SLMAP: variants seen among roughly 807,000 people sequenced by gnomAD.
SLMAP encodes sarcolemmal membrane-associated protein.
In SLMAP, 44 loss-of-function variants were observed where a neutral mutation model predicts 128.8. That is an observed-to-expected ratio of 0.34 (90% CI 0.27 to 0.44). SLMAP has a LOEUF of 0.44. Among genes scored for constraint, SLMAP ranks in the 20% least tolerant of loss-of-function variants. SLMAP has a pLI of 1.00. For missense variants in SLMAP, 787 were observed against 985.3 expected, an observed-to-expected ratio of 0.80 and a Z score of 2.69; for synonymous variants, 327 against 348.8, an observed-to-expected ratio of 0.94 and a Z score of 0.70.
At chr3:57,810,493 A>C (rs1409532997) in intron 2 of SLMAP, among the ~76,000 whole-genome samples, 2 of 152,212 alleles carry the variant, frequency 1.3e-5, no homozygotes, top group East Asian at 3.8e-4. Context: ...TATTAGAAAA[A>C]TTCTGTTGAT....
At chr3:57,825,684 T>G (rs2092875177) in intron 2 of SLMAP, among the ~76,000 whole-genome samples, 1 of 152,142 alleles carries the variant, frequency 6.6e-6, no homozygotes, top group Non-Finnish European at 1.5e-5. Context: ...GCACCAGTTC[T>G]TCCTATAGCC....
chr3:57,921,557 C>T (rs1291271937), intron 22 of SLMAP, among the ~76,000 whole-genome samples: 1 of 151,542 alleles, frequency 6.6e-6, no homozygotes, highest in East Asian at 2.0e-4. Flanking sequence ...ACCTGGGAGG[C>T]GGAGGTTTCA....
intron 6 of SLMAP, among the ~76,000 whole-genome samples, chr3:57,855,577 A>G (rs1460091388): frequency 1.3e-5 from 2 of 151,414 alleles, no homozygotes; most frequent in Non-Finnish European, 2.9e-5. Context: ...CTTTAAATAT[A>G]TATTTAAAAA....
At chr3:57,912,277 A>C (rs2096719164) in intron 19 of SLMAP, 104 bp from the exon 20 acceptor site, 2 of 951,714 alleles carry the variant, frequency 2.1e-6, no homozygotes, top group Admixed American at 2.3e-5. Context: ...CACTTTAATC[A>C]AAAGCAACAG....
intron 2 of SLMAP, among the ~76,000 whole-genome samples, chr3:57,797,529 G>A (rs896984985): frequency 3.3e-5 from 5 of 151,426 alleles, no homozygotes; most frequent in South Asian, 4.2e-4. Context: ...AATGTTAGTC[G>A]TGTAATGCAT....
intron 15 of SLMAP, among the ~76,000 whole-genome samples, chr3:57,893,079 C>T (rs1170889238): frequency 1.3e-5 from 2 of 151,812 alleles, no homozygotes; most frequent in African/African-American, 2.4e-5. Flanking sequence ...TTGATCCGCC[C>T]GCCTCGGCCT....
chr3:57,774,509 A>AATTATTATT (rs66990452), intron 2 of SLMAP, among the ~76,000 whole-genome samples: 1,824 of 147,404 alleles, frequency 0.012, 40 homozygotes, highest in African/African-American at 0.043. Context: ...TTTAATAGAC[A>AATTATTATT]ATTATTATTA....
At chr3:57,781,375 G>C (rs142231881) in intron 2 of SLMAP, among the ~76,000 whole-genome samples, 93 of 152,222 alleles carry the variant, frequency 6.1e-4, no homozygotes, top group African/African-American at 2.1e-3. Flanking sequence ...CATTGAAAAG[G>C]CTGTAAAAAG....
At position 57,757,843 on chromosome 3, in the gene SLMAP, G is replaced by C; in HGVS notation, c.192G>C (p.Thr64=). Residue 64 remains threonine (T), a synonymous_variant, in exon 2 of 25, where the codon ACG becomes ACC. Transcript: ENST00000671191. ...NHALVWFDHK[T]GKFYLQDTKS... is the part of the protein sequence containing the mutation. The stretch of plus-strand genomic sequence containing the variant: ...CTCTCGTCTGGTTTGATCACAAGAC[G>C]GGCAAGGTAATGTCACCACATTGTC... The C allele has an allele frequency of 1.2e-6, 2 of 1,613,984 alleles. No homozygotes were observed. The highest frequency in any genetic ancestry group is 1.7e-6 in the Non-Finnish European group (2 of 1,179,934).
rs2096577493 is a variant in SLMAP at position 57,906,677 on chromosome 3, ATATATATATAT to A, written c.1502-1206_1502-1196del. On this transcript the variant is annotated intron_variant, in intron 17 of 24. Coordinates refer to ENST00000671191, the MANE Select transcript of SLMAP (RefSeq NM_001377540.1). Reference sequence around the variant, plus strand: ...TAATCTATGAATATGAAAAAAAAATATATATATATATATATATATATATAATTTCCAAAACC... The same window carrying A: ...TAATCTATGAATATGAAAAAAAAATAATATATATATATAATTTCCAAAACC... 7.4e-5 allele frequency among the ~76,000 whole-genome samples: 6 copies of A among 80,834 alleles called. No individual in the cohort carries two copies. The South Asian group carries it at 1.2e-3, about 16-fold the overall frequency. The allele number at this position is 80,834 out of a possible 152,430, so 53.0% of individuals were successfully genotyped here.
intron 2 of SLMAP, among the ~76,000 whole-genome samples, chr3:57,791,686 T>G (rs2085490584): frequency 6.6e-6 from 1 of 152,204 alleles, no homozygotes; most frequent in Admixed American, 6.5e-5. Context: ...AAAATTGCTT[T>G]TTTTTTGCAT....
At chr3:57,835,552 A>G (rs1425017756) in intron 3 of SLMAP, among the ~76,000 whole-genome samples, 3 of 152,214 alleles carry the variant, frequency 2.0e-5, no homozygotes, top group African/African-American at 4.8e-5. Context: ...GTCTATCAAC[A>G]TAATCCACAG....
At chr3:57,871,535 C>A in intron 13 of SLMAP, 101 bp from the exon 14 acceptor site, 1 of 817,912 alleles carries the variant, frequency 1.2e-6, no homozygotes, top group Non-Finnish European at 2.1e-6. Context: ...ATTAGTCTTA[C>A]TTAGTACCCA....
intron 2 of SLMAP, among the ~76,000 whole-genome samples, chr3:57,763,459 G>A (rs1399428163): frequency 1.3e-5 from 2 of 152,026 alleles, no homozygotes; most frequent in Admixed American, 1.3e-4. Flanking sequence ...TATTTTAGTA[G>A]AAACGGGGTT....
intron 4 of SLMAP, among the ~76,000 whole-genome samples, chr3:57,846,487 C>G (rs1577491446): frequency 6.6e-6 from 1 of 151,454 alleles, no homozygotes; most frequent in Non-Finnish European, 1.5e-5. Context: ...CTTTTTAAGA[C>G]TTTCTGTATA....
At chr3:57,812,948 T>G (rs1391028509) in intron 2 of SLMAP, among the ~76,000 whole-genome samples, 1 of 152,162 alleles carries the variant, frequency 6.6e-6, no homozygotes, top group Admixed American at 6.5e-5. Context: ...GAAATGCAAC[T>G]GATTTTCCTG....
chr3:57,830,307 CTAAAA>C (rs910684224), intron 2 of SLMAP, among the ~76,000 whole-genome samples: 13 of 152,188 alleles, frequency 8.5e-5, no homozygotes, highest in Non-Finnish European at 1.8e-4. Context: ...CACACCTGGC[CTAAAA>C]TAGTAATATC....
Position 57,757,798 on chromosome 3 carries a change from A to G in SLMAP, c.147A>G (p.Lys49=). The change falls in exon 2 of 25, where the codon AAA becomes AAG. Residue 49 remains lysine, a synonymous_variant. Coordinates refer to ENST00000671191, the MANE Select transcript of SLMAP (RefSeq NM_001377540.1). ...PAQNNATFDC[K]VLSRNHALVW... is the part of the protein sequence containing the mutation. ...AGAATAATGCCACTTTTGATTGCAA[A>G]GTGCTATCAAGGAACCACGCTCTCG... is the stretch of plus-strand genomic sequence containing the variant. The G allele has an allele frequency of 1.2e-6, 2 of 1,614,196 alleles. No individual in the cohort carries two copies. Among genetic ancestry groups the G allele is most frequent in the Non-Finnish European group, 1.7e-6 (2 of 1,180,032 alleles).
intron 2 of SLMAP, among the ~76,000 whole-genome samples, chr3:57,761,197 C>G (rs939497625): frequency 2.6e-5 from 4 of 152,150 alleles, no homozygotes; most frequent in Admixed American, 2.0e-4. Flanking sequence ...TTAGACAACA[C>G]TGTGCAATTT....
Sources: gnomAD v4.1 joint callset for allele counts (sites outside exome capture counted in the v4.1 genomes callset) on GRCh38, gnomAD v4.1.1 for gene constraint, MANE v1.5 for transcripts, NCBI Gene and HGNC (gene_info 2026-07-23, HGNC 2026-07-21) for gene names.